Variants in LPP observed in about 807,000 individuals in gnomAD.
The protein encoded by LPP is lipoma-preferred partner.
LPP carries 38 observed loss-of-function variants against 60.4 expected under a neutral mutation model. The observed-to-expected ratio is 0.63, with a 90% CI of 0.49 to 0.83. The LOEUF (loss-of-function observed/expected upper bound fraction) is 0.83, where lower values mean the gene tolerates loss of function less well. Among genes scored for constraint, LPP ranks in the 40% least tolerant of loss-of-function variants. The probability of loss-of-function intolerance (pLI) is 0.00; values close to 1 mark genes in which losing one functional copy is unlikely to be tolerated. For missense variants in LPP, 902 were observed against 783.6 expected, an observed-to-expected ratio of 1.15 and a Z score of -1.80; for synonymous variants, 328 against 290.8, an observed-to-expected ratio of 1.13 and a Z score of -1.30.
chr3:188,386,619 G>A (rs375057203), intron 3 of LPP, among the ~76,000 whole-genome samples: 214 of 152,218 alleles, frequency 1.4e-3, no homozygotes, highest in Middle Eastern at 6.8e-3. Flanking sequence ...AATTTTCCCC[G>A]AAGAATGATA....
chr3:188,318,553 C>G (rs916440199), intron 2 of LPP, among the ~76,000 whole-genome samples: 3 of 152,008 alleles, frequency 2.0e-5, no homozygotes, highest in Admixed American at 2.0e-4. Flanking sequence ...AAACTCGGCT[C>G]ATATAATTTC....
chr3:188,630,428 C>T (rs1350276245), intron 7 of LPP, among the ~76,000 whole-genome samples: 1 of 152,136 alleles, frequency 6.6e-6, no homozygotes, highest in Non-Finnish European at 1.5e-5. Context: ...CCTTCTGACA[C>T]CACTCAGAAT....
intron 8 of LPP, among the ~76,000 whole-genome samples, chr3:188,725,842 T>C (rs1273200212): frequency 6.6e-6 from 1 of 152,130 alleles, no homozygotes; most frequent in Non-Finnish European, 1.5e-5. Context: ...TTTTCTGACA[T>C]AGATCATGTT....
intron 3 of LPP, among the ~76,000 whole-genome samples, chr3:188,351,222 C>T (rs1765740727): frequency 6.6e-6 from 1 of 152,184 alleles, no homozygotes; most frequent in Admixed American, 6.5e-5. Flanking sequence ...AATAGTTTTT[C>T]TCTCTGCCTA....
intron 8 of LPP, among the ~76,000 whole-genome samples, chr3:188,751,889 G>A (rs1009678905): frequency 6.6e-6 from 1 of 152,046 alleles, no homozygotes; most frequent in African/African-American, 2.4e-5. Flanking sequence ...GTAGGATTAG[G>A]ATTAGGATTG....
intron 2 of LPP, among the ~76,000 whole-genome samples, chr3:188,314,051 A>G (rs1328536539): frequency 6.6e-6 from 1 of 152,176 alleles, no homozygotes; most frequent in Non-Finnish European, 1.5e-5. Flanking sequence ...TTAAGTAAGT[A>G]TATTATCTGC....
intron 1 of LPP, among the ~76,000 whole-genome samples, chr3:188,215,444 C>T (rs1363880448): frequency 3.3e-5 from 5 of 152,164 alleles, no homozygotes; most frequent in African/African-American, 1.2e-4. Flanking sequence ...TTTTCCTCTC[C>T]TCCAGCCCCT....
intron 2 of LPP, among the ~76,000 whole-genome samples, chr3:188,255,198 C>T (rs944909999): frequency 6.6e-6 from 1 of 152,148 alleles, no homozygotes; most frequent in African/African-American, 2.4e-5. Context: ...CTGAGAATAC[C>T]ACATCTGCTG....
intron 4 of LPP, among the ~76,000 whole-genome samples, chr3:188,411,778 C>A (rs1784940598): frequency 6.6e-6 from 1 of 152,144 alleles, no homozygotes; most frequent in African/African-American, 2.4e-5. Context: ...GATGGCAGAA[C>A]AGTATAGTTC....
At chr3:188,288,755 A>G (rs952838049) in intron 2 of LPP, among the ~76,000 whole-genome samples, 1 of 151,822 alleles carries the variant, frequency 6.6e-6, no homozygotes. Context: ...CTTCTGCCAC[A>G]TGAACTTCTC....
intron 4 of LPP, among the ~76,000 whole-genome samples, chr3:188,466,848 G>A (rs1262770143): frequency 1.2e-5 from 1 of 83,432 alleles, no homozygotes; most frequent in African/African-American, 4.6e-5. Flanking sequence ...TATATGCTGT[G>A]TAAACTCCAC....
At chr3:188,639,114 T>G (rs1849491488) in intron 7 of LPP, among the ~76,000 whole-genome samples, 1 of 152,054 alleles carries the variant, frequency 6.6e-6, no homozygotes, top group Admixed American at 6.6e-5. Context: ...GACTTCAAAC[T>G]ATACTACAAG....
intron 3 of LPP, among the ~76,000 whole-genome samples, chr3:188,362,296 A>G (rs1386203511): frequency 6.6e-6 from 1 of 152,206 alleles, no homozygotes; most frequent in Non-Finnish European, 1.5e-5. Flanking sequence ...GAAATATGAG[A>G]ATATCTTCTC....
At chr3:188,495,544 A>G (rs913271613) in intron 5 of LPP, among the ~76,000 whole-genome samples, 3 of 152,148 alleles carry the variant, frequency 2.0e-5, no homozygotes, top group Non-Finnish European at 2.9e-5. Flanking sequence ...ATACTCTTAA[A>G]TCCTCAAAAA....
intron 6 of LPP, among the ~76,000 whole-genome samples, chr3:188,595,425 TGAG>T (rs1331796853): frequency 6.6e-6 from 1 of 152,170 alleles, no homozygotes; most frequent in Non-Finnish European, 1.5e-5. Context: ...CCCCAGCTGA[TGAG>T]GATTTCAGCA....
In LPP at chr3:188,607,418, A is replaced by ATATATTT. The variant is rs1842732460; in HGVS notation, c.430-1742_430-1741insATATTTT. Among the ~76,000 whole-genome samples the ATATATTT allele has an allele frequency of 1.0e-4, 4 of 38,496 alleles. 1 individual carries two copies. Among genetic ancestry groups the ATATATTT allele is most frequent in the African/African-American group, 2.8e-4 (4 of 14,518 alleles). The allele number at this position is 38,496 out of a possible 152,430, so 25.3% of individuals were successfully genotyped here. On this transcript the variant is annotated intron_variant, in intron 6 of 11. Coordinates refer to ENST00000617246, the MANE Select transcript of LPP (RefSeq NM_001375462.1). The stretch of plus-strand genomic sequence containing the variant: ...ATATATATATATATATATATATATA[A>ATATATTT]TTTTTTTTTCCTTTGCAGTTTTACG...
intron 6 of LPP, among the ~76,000 whole-genome samples, chr3:188,529,352 G>GA (rs1380513754): frequency 6.6e-6 from 1 of 152,152 alleles, no homozygotes; most frequent in Non-Finnish European, 1.5e-5. Flanking sequence ...AAAACCTATA[G>GA]AATCACCTGA....
chr3:188,201,210 A>T (rs1449183354), intron 1 of LPP, among the ~76,000 whole-genome samples: 3 of 152,208 alleles, frequency 2.0e-5, no homozygotes, highest in Non-Finnish European at 4.4e-5. Flanking sequence ...TTCCACTGGG[A>T]GCCAATACTG....
chr3:188,807,355 T>A (rs1027769595), intron 9 of LPP, among the ~76,000 whole-genome samples: 2 of 152,016 alleles, frequency 1.3e-5, no homozygotes, highest in African/African-American at 4.8e-5. Context: ...TTTGTATATA[T>A]CCTGTTTGTC....
Sources: allele counts gnomAD v4.1 joint callset (sites outside exome capture counted in the v4.1 genomes callset), GRCh38; gene constraint gnomAD v4.1.1; transcripts MANE v1.5; gene names NCBI Gene and HGNC (gene_info 2026-07-23, HGNC 2026-07-21).